Variants in REEP3 observed in about 807,000 individuals in gnomAD.
The protein encoded by REEP3 is receptor expression-enhancing protein 3.
In REEP3, 20 loss-of-function variants were observed where a neutral mutation model predicts 41.3. The ratio of observed to expected loss-of-function variants is 0.48; its 90% confidence interval spans 0.34 to 0.70. The LOEUF (loss-of-function observed/expected upper bound fraction) is 0.70. Ranked by LOEUF, REEP3 falls within the 30% of genes least tolerant of loss-of-function variation. REEP3 has a pLI of 0.01. For missense variants in REEP3, 271 were observed against 308.8 expected (o/e 0.88, Z 0.92); for synonymous variants, 104 against 101.8 (o/e 1.02, Z -0.13).
chr10:63,598,243 G>A, intron 4 of REEP3, 99 bp downstream of exon 4: 1 of 772,060 alleles, frequency 1.3e-6, no homozygotes, highest in South Asian at 2.0e-5. Flanking sequence ...ACTTTGGGAG[G>A]CTGAGGTGGG....
intron 2 of REEP3, among the ~76,000 whole-genome samples, chr10:63,574,558 G>A (rs1355306784): frequency 6.6e-6 from 1 of 152,084 alleles, no homozygotes. Flanking sequence ...AAACATAACA[G>A]TACCTGTCAT....
At chr10:63,522,802 C>T (rs1056683321) in intron 1 of REEP3, among the ~76,000 whole-genome samples, 2 of 152,142 alleles carry the variant, frequency 1.3e-5, no homozygotes, top group African/African-American at 2.4e-5. Context: ...TTTAAAGCCT[C>T]AGAGCTTCCT....
chr10:63,597,818 C>G (rs1222753159), intron 3 of REEP3, among the ~76,000 whole-genome samples: 7 of 150,696 alleles, frequency 4.6e-5, no homozygotes, highest in Non-Finnish European at 1.0e-4. Flanking sequence ...GAGGCTGAGG[C>G]AGGAGAATCA....
rs1956385858 is a variant in REEP3 at position 63,625,010 on chromosome 10, G to A, written c.*4141G>A. On this transcript the variant is annotated 3_prime_UTR_variant, in exon 8 of 8. Transcript: ENST00000373758. ...GTTACTTCATTATGACACATAATGC[G>A]TGTTAAGGTCTTTCTAGATAGCATT... 6.6e-6 allele frequency: 1 copy of A among 152,072 alleles called. No homozygotes were observed. Among genetic ancestry groups the A allele is most frequent in the Non-Finnish European group, 1.5e-5 (1 of 67,986 alleles). The allele number at this position is 152,072 out of a possible 1,614,324, so 9.4% of individuals were successfully genotyped here. A position where few individuals can be genotyped will look rare whatever the true frequency, so the allele number is the denominator to read the frequency against.
chr10:63,557,179 C>G (rs1211929722), intron 1 of REEP3, among the ~76,000 whole-genome samples: 1 of 152,122 alleles, frequency 6.6e-6, no homozygotes, highest in African/African-American at 2.4e-5. Context: ...ATGTAAAGTA[C>G]TGCCTACAAT....
chr10:63,605,750 T>C (rs1956219226), intron 5 of REEP3, among the ~76,000 whole-genome samples: 2 of 152,322 alleles, frequency 1.3e-5, no homozygotes, highest in South Asian at 2.1e-4. Context: ...AACCACGTGC[T>C]TGGATACTTG....
At chr10:63,599,622 TTC>T (rs1426176683) in intron 5 of REEP3, 2 of 869,350 alleles carry the variant, frequency 2.3e-6, no homozygotes, top group Admixed American at 6.2e-5. Flanking sequence ...TTGGTGTTCT[TTC>T]TCTCTCTTTT....
chr10:63,601,040 G>C (rs530293213), intron 5 of REEP3, among the ~76,000 whole-genome samples: 1 of 152,110 alleles, frequency 6.6e-6, no homozygotes, highest in Admixed American at 6.5e-5. Context: ...TGTAATCCCA[G>C]CTACTCGGGA....
intron 2 of REEP3, among the ~76,000 whole-genome samples, chr10:63,581,941 G>C (rs1955958182): frequency 6.6e-6 from 1 of 151,020 alleles, no homozygotes. Flanking sequence ...TGAAACTAAG[G>C]GTACATTTTA....
chr10:63,605,173 A>T (rs1296252700), intron 5 of REEP3, among the ~76,000 whole-genome samples: 1 of 152,244 alleles, frequency 6.6e-6, no homozygotes, highest in Non-Finnish European at 1.5e-5. Context: ...ATAAATATGT[A>T]TAAGTAGTTT....
chr10:63,560,777 A>G (rs749629116), intron 1 of REEP3, among the ~76,000 whole-genome samples: 2 of 152,152 alleles, frequency 1.3e-5, no homozygotes, highest in East Asian at 1.9e-4. Context: ...TGTAAAATAT[A>G]CTTTATTTGA....
chr10:63,543,064 G>C (rs1385819487), intron 1 of REEP3, among the ~76,000 whole-genome samples: 1 of 152,112 alleles, frequency 6.6e-6, no homozygotes, highest in East Asian at 1.9e-4. Context: ...ATTCACCCCT[G>C]GCTTTCTGTG....
intron 2 of REEP3, among the ~76,000 whole-genome samples, chr10:63,584,725 A>G (rs868298848): frequency 3.3e-5 from 5 of 152,232 alleles, no homozygotes; most frequent in African/African-American, 1.2e-4. Flanking sequence ...GTCTCTAAAA[A>G]AATCTGTATC....
intron 2 of REEP3, among the ~76,000 whole-genome samples, chr10:63,568,461 G>T (rs1955821798): frequency 6.6e-6 from 1 of 151,634 alleles, no homozygotes; most frequent in Non-Finnish European, 1.5e-5. Context: ...TACAGATGGG[G>T]TTTCACCGTA....
rs60910642 is a variant in REEP3 at position 63,617,812 on chromosome 10, C to CTTTTTTT, written c.566-1822_566-1816dup. Among the ~76,000 whole-genome samples the CTTTTTTT allele has an allele frequency of 6.2e-4, 52 of 83,550 alleles. 7 individuals carry two copies. The East Asian group carries it at 0.017, about 28-fold the overall frequency. The allele number at this position is 83,550 out of a possible 152,430, so 54.8% of individuals were successfully genotyped here. On this transcript the variant is annotated intron_variant, in intron 6 of 7. Coordinates refer to ENST00000373758, the MANE Select transcript of REEP3 (RefSeq NM_001001330.3). ...TCCTAAGCCTGGAAATCCTTCTACTCTTTTTTTTTTTTTTTTTTTTTTTTT... is the reference window on the plus strand; with the variant it reads ...TCCTAAGCCTGGAAATCCTTCTACTCTTTTTTTTTTTTTTTTTTTTTTTTTTTTTTTT...
At chr10:63,565,414 T>C (rs1363804985) in intron 1 of REEP3, among the ~76,000 whole-genome samples, 1 of 152,268 alleles carries the variant, frequency 6.6e-6, no homozygotes, top group Admixed American at 6.5e-5. Flanking sequence ...TTTGTACATA[T>C]GTCTTGGACC....
At chr10:63,594,311 T>C (rs1490589146) in intron 2 of REEP3, among the ~76,000 whole-genome samples, 1 of 152,032 alleles carries the variant, frequency 6.6e-6, no homozygotes, top group East Asian at 1.9e-4. Flanking sequence ...TCACTTGCAC[T>C]GGAAGGTCAA....
intron 2 of REEP3, among the ~76,000 whole-genome samples, chr10:63,579,095 C>T (rs1006952325): frequency 4.6e-5 from 7 of 151,272 alleles, no homozygotes; most frequent in African/African-American, 1.7e-4. Context: ...TGCAATGGCG[C>T]ATCTCAGCTC....
chr10:63,594,666 A>C, intron 2 of REEP3, 112 bp from the exon 3 acceptor site: 1 of 720,832 alleles, frequency 1.4e-6, no homozygotes, highest in Non-Finnish European at 2.4e-6. Context: ...CCAGAAATAC[A>C]TACATAATAT....
Sources: allele counts gnomAD v4.1 joint callset (sites outside exome capture counted in the v4.1 genomes callset), GRCh38; gene constraint gnomAD v4.1.1; transcripts MANE v1.5; gene names NCBI Gene and HGNC (gene_info 2026-07-23, HGNC 2026-07-21).